Variants in CTNNA3 observed in about 807,000 individuals in gnomAD.
CTNNA3 encodes catenin alpha-3.
A neutral mutation model predicts 95.7 loss-of-function variants in CTNNA3; 76 were observed. The ratio of observed to expected loss-of-function variants is 0.79; its 90% CI spans 0.66 to 0.96. The LOEUF (loss-of-function observed/expected upper bound fraction) is 0.96, where lower values mean the gene tolerates loss of function less well. Among genes scored for constraint, CTNNA3 ranks in the 40% least tolerant of loss-of-function variants. The pLI is 0.00. For missense variants in CTNNA3, 1,191 were observed against 1,089.8 expected (o/e 1.09, Z -1.31); for synonymous variants, 431 against 374.4 (o/e 1.15, Z -1.74).
intron 3 of CTNNA3, among the ~76,000 whole-genome samples, chr10:67,570,662 T>A (rs1025935714): frequency 6.6e-6 from 1 of 152,212 alleles, no homozygotes; most frequent in Admixed American, 6.5e-5. Flanking sequence ...CTCAGCATCT[T>A]CTTCACAAGG....
rs561552884 is a variant in CTNNA3 at position 65,965,393 on chromosome 10, C to CTTT, written c.2400+1216_2400+1218dup. On this transcript the variant is annotated intron_variant, in intron 17 of 17. Coordinates refer to ENST00000433211, the MANE Select transcript of CTNNA3 (RefSeq NM_013266.4). ...GTCACTATTTGTTTCCTCCCCTCTA[C>CTTT]TTTTTTTTTTTTTTTTTTTTTTTTT... 3.3e-4 allele frequency among the ~76,000 whole-genome samples: 26 copies of CTTT among 77,674 alleles called. 3 individuals are homozygous for CTTT. Among genetic ancestry groups the CTTT allele is most frequent in the African/African-American group, 7.9e-4 (15 of 19,056 alleles). 51.0% of individuals were successfully genotyped at this position (77,674 alleles called of 152,430 possible).
chr10:67,660,824 G>A (rs571212079), intron 1 of CTNNA3, among the ~76,000 whole-genome samples: 2 of 151,596 alleles, frequency 1.3e-5, no homozygotes, highest in East Asian at 1.9e-4. Flanking sequence ...CCAGCTATTC[G>A]AGAGGCTGAG....
intron 7 of CTNNA3, among the ~76,000 whole-genome samples, chr10:66,967,360 A>T (rs1162049485): frequency 6.6e-6 from 1 of 151,734 alleles, no homozygotes. Context: ...AGATAGATAG[A>T]TATATGTAGA....
chr10:66,315,775 C>T (rs1290365090), intron 12 of CTNNA3, among the ~76,000 whole-genome samples: 2 of 152,004 alleles, frequency 1.3e-5, no homozygotes, highest in East Asian at 1.9e-4. Flanking sequence ...ACAAAGGTAA[C>T]AAGTTTATTC....
chr10:66,349,635 G>A (rs895558038), intron 12 of CTNNA3, among the ~76,000 whole-genome samples: 1 of 152,028 alleles, frequency 6.6e-6, no homozygotes, highest in Non-Finnish European at 1.5e-5. Flanking sequence ...TAAGAAAATT[G>A]AATTATCAGG....
chr10:66,890,619 A>G (rs117693528), intron 7 of CTNNA3, among the ~76,000 whole-genome samples: 5,402 of 152,242 alleles, frequency 0.035, 130 homozygotes, highest in Middle Eastern at 0.051. Context: ...AGTGGGTTGA[A>G]GAGTGAATGG....
intron 11 of CTNNA3, among the ~76,000 whole-genome samples, chr10:66,403,091 T>C (rs924138411): frequency 6.6e-6 from 1 of 152,160 alleles, no homozygotes; most frequent in Non-Finnish European, 1.5e-5. Flanking sequence ...CCCACCCTTT[T>C]AGGCCTAAAC....
intron 6 of CTNNA3, among the ~76,000 whole-genome samples, chr10:67,211,370 G>T (rs573230279): frequency 1.3e-5 from 2 of 152,036 alleles, no homozygotes; most frequent in African/African-American, 4.8e-5. Context: ...ATAATGCCAT[G>T]TACATCATGG....
At chr10:67,680,799 T>G (rs1468493721) in intron 1 of CTNNA3, among the ~76,000 whole-genome samples, 1 of 152,222 alleles carries the variant, frequency 6.6e-6, no homozygotes, top group Non-Finnish European at 1.5e-5. Flanking sequence ...GTTACAGATC[T>G]GAGGAAACAC....
chr10:67,392,967 T>C (rs1431911283), intron 5 of CTNNA3, among the ~76,000 whole-genome samples: 5 of 152,014 alleles, frequency 3.3e-5, no homozygotes, highest in African/African-American at 1.2e-4. Flanking sequence ...GATGATGAGT[T>C]AGTGGGTGCA....
At chr10:66,732,196 C>G (rs1352025997) in intron 9 of CTNNA3, among the ~76,000 whole-genome samples, 1 of 152,188 alleles carries the variant, frequency 6.6e-6, no homozygotes, top group Non-Finnish European at 1.5e-5. Context: ...GTCAGCTAGA[C>G]TAGGTGTTTA....
At chr10:67,694,523 A>G (rs1450222780) in intron 1 of CTNNA3, among the ~76,000 whole-genome samples, 2 of 152,164 alleles carry the variant, frequency 1.3e-5, no homozygotes, top group South Asian at 2.1e-4. Flanking sequence ...TCTACAACAT[A>G]CATATACACA....
intron 7 of CTNNA3, among the ~76,000 whole-genome samples, chr10:66,820,756 A>T (rs1842280254): frequency 6.6e-6 from 1 of 152,082 alleles, no homozygotes; most frequent in Admixed American, 6.6e-5. Flanking sequence ...TTACTTCTAC[A>T]ATCAGAAAAA....
intron 5 of CTNNA3, among the ~76,000 whole-genome samples, chr10:67,342,554 G>A (rs1431100386): frequency 4.6e-5 from 7 of 152,138 alleles, no homozygotes; most frequent in African/African-American, 1.7e-4. Context: ...GTTTTCTGTA[G>A]TAGTTTCATA....
At chr10:66,513,043 T>G (rs745679674) in intron 11 of CTNNA3, among the ~76,000 whole-genome samples, 92 of 152,142 alleles carry the variant, frequency 6.0e-4, no homozygotes, top group Non-Finnish European at 2.2e-4. Context: ...TAGATGATTA[T>G]CTCCCAAGAG....
chr10:66,868,079 A>G (rs1385528530), intron 7 of CTNNA3, among the ~76,000 whole-genome samples: 2 of 150,218 alleles, frequency 1.3e-5, no homozygotes, highest in African/African-American at 4.9e-5. Flanking sequence ...ATAATTAGCC[A>G]GGCATGGTGG....
At chr10:66,511,737 T>C (rs1840669725) in intron 11 of CTNNA3, among the ~76,000 whole-genome samples, 1 of 151,964 alleles carries the variant, frequency 6.6e-6, no homozygotes, top group African/African-American at 2.4e-5. Flanking sequence ...CATGGTATAA[T>C]TGCATTTTTG....
chr10:66,958,564 T>C (rs1426329132), intron 7 of CTNNA3, among the ~76,000 whole-genome samples: 4 of 152,116 alleles, frequency 2.6e-5, no homozygotes, highest in Non-Finnish European at 5.9e-5. Context: ...GGCAAAAGAA[T>C]TCAATAAGTA....
At chr10:67,516,791 T>G (rs1440832159) in intron 5 of CTNNA3, among the ~76,000 whole-genome samples, 1 of 152,196 alleles carries the variant, frequency 6.6e-6, no homozygotes, top group African/African-American at 2.4e-5. Context: ...AAAGCACTCC[T>G]CTACCCTCTA....
Sources: gnomAD v4.1 joint callset for allele counts (sites outside exome capture counted in the v4.1 genomes callset) on GRCh38, gnomAD v4.1.1 for gene constraint, MANE v1.5 for transcripts, NCBI Gene and HGNC (gene_info 2026-07-23, HGNC 2026-07-21) for gene names.